The following KCNQ1 variants were observed in gnomAD, a reference collection of about 807,000 sequenced individuals.
KCNQ1 encodes the protein potassium voltage-gated channel subfamily Q member 1.
In KCNQ1, 49 loss-of-function variants were observed where a neutral mutation model predicts 72.4. The ratio of observed to expected loss-of-function variants is 0.68; its 90% CI spans 0.54 to 0.86. KCNQ1 has a LOEUF of 0.86. Ranked by LOEUF, KCNQ1 falls within the 40% of genes least tolerant of loss-of-function variation. The pLI is 0.00. For synonymous variants in KCNQ1, 450 were observed against 412.6 expected (o/e 1.09, Z -1.10); for missense variants, 790 against 945.1 (o/e 0.84, Z 2.15).
At chr11:2,461,354 A>C (rs576535385) in intron 1 of KCNQ1, 3 of 1,140,496 alleles carry the variant, frequency 2.6e-6, no homozygotes, top group Admixed American at 6.3e-5. Flanking sequence ...ATAGCCTCTG[A>C]AGCTCTGTCC....
chr11:2,736,753 T>G (rs1350846617), intron 11 of KCNQ1, among the ~76,000 whole-genome samples: 1 of 152,234 alleles, frequency 6.6e-6, no homozygotes, highest in Non-Finnish European at 1.5e-5. Flanking sequence ...GCAGCTGGTA[T>G]GCGGCTGCCC....
At chr11:2,525,450 G>C (rs756595559) in intron 1 of KCNQ1, among the ~76,000 whole-genome samples, 10 of 152,252 alleles carry the variant, frequency 6.6e-5, no homozygotes, top group Admixed American at 1.3e-4. Flanking sequence ...ATGAGAGCAG[G>C]GGTGGTCAGT....
rs1846886096 is a variant in KCNQ1, at chr11:2,785,015, C to A, written c.1794+6978C>A. On this transcript the variant is annotated intron_variant, in intron 15 of 15. Transcript: ENST00000155840. This position sits in a 1 kb window ranked among gnomAD's most constrained non-coding sequence, Gnocchi z 4.4. ...CTTTCCAGTCAGATGCCTTTAATTTCTTTGTTTTGCCTAATTGCACTGGCT... is the reference window on the plus strand; with the variant it reads ...CTTTCCAGTCAGATGCCTTTAATTTATTTGTTTTGCCTAATTGCACTGGCT... Among the ~76,000 whole-genome samples, 1 of 151,896 alleles carries A rather than the reference C, an allele frequency of 6.6e-6. No individual in the cohort carries two copies. The highest frequency in any genetic ancestry group is 1.5e-5 in the Non-Finnish European group (1 of 67,826).
At chr11:2,700,609 T>C (rs909240971) in intron 11 of KCNQ1, among the ~76,000 whole-genome samples, 2 of 152,052 alleles carry the variant, frequency 1.3e-5, no homozygotes, top group African/African-American at 2.4e-5. Context: ...AAGCCCCCAC[T>C]GCTGTGCCTG....
rs1847590104 is a variant in KCNQ1, at chr11:2,815,225, T to G, written c.1795-32542T>G. ...GTCACAGCTTGAACCTGGGCAGCCT[T>G]TATTCTCTAGGGGCCTTGGGGGTGT... On this transcript the variant is annotated intron_variant, in intron 15 of 15. Transcript: ENST00000155840. This position sits in a 1 kb window ranked among gnomAD's most constrained non-coding sequence, Gnocchi z 5.4. 6.6e-6 allele frequency among the ~76,000 whole-genome samples: 1 copy of G among 152,058 alleles called. No homozygotes were observed. The highest frequency in any genetic ancestry group is 1.5e-5 in the Non-Finnish European group (1 of 67,990).
At chr11:2,506,420 G>T (rs1236418799) in intron 1 of KCNQ1, among the ~76,000 whole-genome samples, 2 of 152,146 alleles carry the variant, frequency 1.3e-5, no homozygotes, top group African/African-American at 2.4e-5. Flanking sequence ...ATACTTTATG[G>T]TTGGATGTGC....
chr11:2,738,324 C>T (rs1845993465), intron 11 of KCNQ1, among the ~76,000 whole-genome samples: 1 of 151,470 alleles, frequency 6.6e-6, no homozygotes, highest in South Asian at 2.1e-4. Context: ...TATCATGAAG[C>T]CGGGAGATCA....
intron 10 of KCNQ1, chr11:2,614,437 C>A (rs1849028222): frequency 2.5e-6 from 1 of 398,210 alleles, no homozygotes; most frequent in Non-Finnish European, 4.4e-6. Flanking sequence ...TTTTTTGTGT[C>A]TTTTCTAAGA....
At chr11:2,576,412 C>G (rs940001366) in intron 6 of KCNQ1, among the ~76,000 whole-genome samples, 1 of 152,210 alleles carries the variant, frequency 6.6e-6, no homozygotes, top group Non-Finnish European at 1.5e-5. Flanking sequence ...GCCCTTGGAA[C>G]AAAATGCGTT....
Position 2,624,850 on chromosome 11 carries a change from G to A in KCNQ1, c.1393+35996G>A. On this transcript the variant is annotated intron_variant, in intron 10 of 15. Coordinates refer to ENST00000155840, the MANE Select transcript of KCNQ1 (RefSeq NM_000218.3). This position sits in a 1 kb window ranked among gnomAD's most constrained non-coding sequence, Gnocchi z 4.9. ...GGAAACATACAGTACTTCTCTTCTT[G>A]TGACTGCTGTATTTCATTTAACATA... The A allele has an allele frequency of 2.5e-6, 1 of 398,332 alleles. No homozygotes were observed. Among genetic ancestry groups the A allele is most frequent in the Non-Finnish European group, 4.4e-6 (1 of 226,012 alleles). 24.7% of individuals were successfully genotyped at this position (398,332 alleles called of 1,614,324 possible).
In KCNQ1 at chr11:2,468,583, C is replaced by A. The variant is rs1404792917; in HGVS notation, c.386+23099C>A. Among the ~76,000 whole-genome samples the A allele has an allele frequency of 1.3e-5, 2 of 152,206 alleles. No homozygotes were observed. Among genetic ancestry groups the A allele is most frequent in the Non-Finnish European group, 2.9e-5 (2 of 68,044 alleles). Reference sequence around the variant, plus strand: ...CACACCCATCACCCTCACAGCGTCCCCCTGTCCCCACGACCAGGCCACTGC... The same window carrying A: ...CACACCCATCACCCTCACAGCGTCCACCTGTCCCCACGACCAGGCCACTGC... On this transcript the variant is annotated intron_variant, in intron 1 of 15. Transcript: ENST00000155840. The surrounding 1 kb of genome is among the most constrained non-coding windows in gnomAD (Gnocchi z 5.7).
chr11:2,841,141 G>C (rs567137266), intron 15 of KCNQ1, among the ~76,000 whole-genome samples: 1 of 152,204 alleles, frequency 6.6e-6, no homozygotes, highest in Non-Finnish European at 1.5e-5. Flanking sequence ...GAGACGAGGA[G>C]GCCGCCCAGG....
chr11:2,666,857 A>AG, intron 11 of KCNQ1: 1 of 398,682 alleles, frequency 2.5e-6, no homozygotes, highest in Non-Finnish European at 4.4e-6. Flanking sequence ...AGGATGAGTG[A>AG]GGGGCTTGTC....
rs115798086 is a variant in KCNQ1 at position 2,819,416 on chromosome 11, T to C, written c.1795-28351T>C. ...ACACGTGTCAGCCCATACATGAGGG[T>C]AGAAGTCCAGTTGAAAACACACCTG... On this transcript the variant is annotated intron_variant, in intron 15 of 15. Transcript: ENST00000155840. 5.3e-3 allele frequency among the ~76,000 whole-genome samples: 803 copies of C among 152,138 alleles called. 10 individuals are homozygous for C. The highest frequency in any genetic ancestry group is 0.019 in the African/African-American group (773 of 41,500).
chr11:2,676,225 G>A lies in KCNQ1; in HGVS notation c.1514+14144G>A. On this transcript the variant is annotated intron_variant, in intron 11 of 15. Coordinates refer to ENST00000155840, the MANE Select transcript of KCNQ1 (RefSeq NM_000218.3). This position sits in a 1 kb window ranked among gnomAD's most constrained non-coding sequence, Gnocchi z 4.2. ...CTTTTTGAGCTGTACATACAATGCT[G>A]ATTTATTATGGTGCAGTACATCTGA... 5.0e-6 allele frequency: 2 copies of A among 398,616 alleles called. No individual in the cohort carries two copies. Among genetic ancestry groups the A allele is most frequent in the Non-Finnish European group, 8.8e-6 (2 of 226,062 alleles). The allele number at this position is 398,616 out of a possible 1,614,324, so 24.7% of individuals were successfully genotyped here.
chr11:2,835,082 GC>G (rs893678389), intron 15 of KCNQ1, among the ~76,000 whole-genome samples: 1 of 152,134 alleles, frequency 6.6e-6, no homozygotes, highest in Non-Finnish European at 1.5e-5. Flanking sequence ...CTGGGTGCAG[GC>G]CCGGGGGCTG....
rs1199864626 is a variant in KCNQ1 at position 2,544,354 on chromosome 11, A to G, written c.477+16336A>G. 3.5e-5 allele frequency among the ~76,000 whole-genome samples: 5 copies of G among 144,870 alleles called. No homozygotes were observed. The East Asian group carries it at 6.0e-4, about 17-fold the overall frequency. ...TATATGTGTATGTATATGTATATAT[A>G]TGTGTATATATATGTGTATATATAT... On this transcript the variant is annotated intron_variant, in intron 2 of 15. Transcript: ENST00000155840. The surrounding 1 kb of genome is among the most constrained non-coding windows in gnomAD (Gnocchi z 4.4).
intron 15 of KCNQ1, among the ~76,000 whole-genome samples, chr11:2,831,065 C>G (rs1273719835): frequency 2.0e-5 from 3 of 152,252 alleles, no homozygotes; most frequent in Non-Finnish European, 4.4e-5. Flanking sequence ...CCCATGCTCT[C>G]TGCGCCCCAT....
chr11:2,574,253 G>A (rs902731002), intron 6 of KCNQ1, among the ~76,000 whole-genome samples: 1 of 152,204 alleles, frequency 6.6e-6, no homozygotes, highest in African/African-American at 2.4e-5. Flanking sequence ...GGTGGGGACC[G>A]AGAAGCCCAA....
Sources: allele counts gnomAD v4.1 joint callset (sites outside exome capture counted in the v4.1 genomes callset), GRCh38; gene constraint gnomAD v4.1.1; non-coding constraint Gnocchi (gnomAD v3.1); transcripts MANE v1.5; gene names NCBI Gene and HGNC (gene_info 2026-07-23, HGNC 2026-07-21).